SPATC1: variants seen among roughly 807,000 people sequenced by gnomAD.
SPATC1 encodes speriolin.
In SPATC1, 35 loss-of-function variants were observed where a neutral mutation model predicts 36.5. That is an observed-to-expected ratio of 0.96 (90% confidence interval 0.73 to 1.27). The LOEUF (loss-of-function observed/expected upper bound fraction) is 1.27. Among genes scored for constraint, SPATC1 ranks in the 50% most tolerant of loss-of-function variants. The probability of loss-of-function intolerance (pLI) is 0.00; values close to 1 mark genes in which losing one functional copy is unlikely to be tolerated. For missense variants in SPATC1, 779 were observed against 796.0 expected (o/e 0.98, Z 0.26); for synonymous variants, 361 against 353.6 (o/e 1.02, Z -0.24).
chr8:144,012,300 G>T lies in SPATC1; in HGVS notation c.-216G>T. The stretch of plus-strand genomic sequence containing the variant: ...TCAGGACATTCCAGGCCGAGGCAAG[G>T]CCTGTGTACAGGCCTGGTGGCATGG... On this transcript the variant is annotated 5_prime_UTR_variant, in exon 1 of 5. Transcript: ENST00000377470. 2 of 576,880 alleles carry T rather than the reference G, an allele frequency of 3.5e-6. No individual in the cohort carries two copies. Among genetic ancestry groups the T allele is most frequent in the South Asian group, 2.1e-5 (1 of 47,114 alleles). The allele number at this position is 576,880 out of a possible 1,614,324, so 35.7% of individuals were successfully genotyped here. A position where few individuals can be genotyped will look rare whatever the true frequency, so the allele number is the denominator to read the frequency against.
chr8:144,034,078 C>G (rs1298266142), intron 1 of SPATC1, among the ~76,000 whole-genome samples: 4 of 152,246 alleles, frequency 2.6e-5, no homozygotes, highest in Non-Finnish European at 5.9e-5. Flanking sequence ...TGAGTTCTTC[C>G]CCTCCCTCTT....
At chr8:144,015,830 G>A (rs1554753154) in intron 1 of SPATC1, among the ~76,000 whole-genome samples, 3 of 151,962 alleles carry the variant, frequency 2.0e-5, no homozygotes, top group Admixed American at 6.5e-5. Context: ...GGAGGCCGAG[G>A]TGGAGGATCA....
Position 144,046,546 on chromosome 8 carries a change from C to A in SPATC1, c.1447-81C>A. On this transcript the variant is annotated intron_variant, in intron 4 of 4. Transcript: ENST00000377470. The surrounding 1 kb of genome is among the most constrained non-coding windows in gnomAD (Gnocchi z 6.6). ...GGATCCTGGCCATCTCACAGCCTCA[C>A]CTGCCCCTCGGTCTTCCCCTTACCT... 7.5e-7 allele frequency: 1 copy of A among 1,337,074 alleles called. No homozygotes were observed. Among genetic ancestry groups the A allele is most frequent in the Non-Finnish European group, 1.0e-6 (1 of 967,060 alleles). 82.8% of individuals were successfully genotyped at this position (1,337,074 alleles called of 1,614,324 possible). A position where few individuals can be genotyped will look rare whatever the true frequency, so the allele number is the denominator to read the frequency against.
chr8:144,020,426 T>A (rs1834485708), intron 1 of SPATC1, among the ~76,000 whole-genome samples: 1 of 145,936 alleles, frequency 6.9e-6, no homozygotes, highest in African/African-American at 2.6e-5. Flanking sequence ...CCCTCTCCCC[T>A]CAGAACGCTC....
chr8:144,014,208 G>A (rs909854894), intron 1 of SPATC1, among the ~76,000 whole-genome samples: 1 of 151,806 alleles, frequency 6.6e-6, no homozygotes, highest in Non-Finnish European at 1.5e-5. Context: ...CCGAGGTTGC[G>A]CCATTGCACT....
At chr8:144,034,746 C>T (rs1207385835) in intron 1 of SPATC1, among the ~76,000 whole-genome samples, 1 of 152,014 alleles carries the variant, frequency 6.6e-6, no homozygotes, top group Non-Finnish European at 1.5e-5. Flanking sequence ...CCCAGGTTCC[C>T]GAGTACCTGG....
chr8:144,043,640 T>C (rs1482842984), intron 4 of SPATC1, among the ~76,000 whole-genome samples: 1 of 151,690 alleles, frequency 6.6e-6, no homozygotes, highest in Non-Finnish European at 1.5e-5. Context: ...TCTCCCAAAG[T>C]GCTGGGATTC....
At chr8:144,043,993 C>T (rs1482086792) in intron 4 of SPATC1, among the ~76,000 whole-genome samples, 3 of 152,206 alleles carry the variant, frequency 2.0e-5, no homozygotes, top group African/African-American at 7.2e-5. Flanking sequence ...GCTCACTTCT[C>T]TCATCCTTCA....
In SPATC1 at chr8:144,026,987, CTT is replaced by C. The variant is rs1169014232; in HGVS notation, c.212-12905_212-12904del. On this transcript the variant is annotated intron_variant, in intron 1 of 4. Transcript: ENST00000377470. ...ACCACGCCCTGCTAATTTTTTTTTTCTTTTTTTTTTTTTTTTTTGGATTTTTA... is the reference window on the plus strand; with the variant it reads ...ACCACGCCCTGCTAATTTTTTTTTTCTTTTTTTTTTTTTTTTGGATTTTTA... Among the ~76,000 whole-genome samples, 55 of 114,312 alleles carry C rather than the reference CTT, an allele frequency of 4.8e-4. 1 individual carries two copies. Among genetic ancestry groups the C allele is most frequent in the African/African-American group, 1.7e-3 (48 of 29,044 alleles). The allele number at this position is 114,312 out of a possible 152,430, so 75.0% of individuals were successfully genotyped here.
intron 1 of SPATC1, among the ~76,000 whole-genome samples, chr8:144,017,952 C>T (rs1218848061): frequency 6.6e-6 from 1 of 152,094 alleles, no homozygotes; most frequent in African/African-American, 2.4e-5. Flanking sequence ...GCCTGAAGCT[C>T]GGAGAAGTCA....
intron 1 of SPATC1, among the ~76,000 whole-genome samples, chr8:144,022,811 G>A (rs944090922): frequency 1.7e-4 from 21 of 123,562 alleles, no homozygotes; most frequent in South Asian, 2.6e-4. Context: ...ACCCTCCCCC[G>A]TCAGGACCCT....
Position 144,040,861 on chromosome 8 carries a change from ACCAC to A in SPATC1, c.1065_1068del (p.His356SerfsTer59). The A allele has an allele frequency of 6.8e-7, 1 of 1,475,586 alleles. No homozygotes were observed. Among genetic ancestry groups the A allele is most frequent in the Non-Finnish European group, 9.1e-7 (1 of 1,101,538 alleles). The allele number at this position is 1,475,586 out of a possible 1,614,324, so 91.4% of individuals were successfully genotyped here. On this transcript the variant is annotated frameshift_variant, in exon 3 of 5. Transcript: ENST00000377470. LOFTEE classifies it high-confidence loss of function. Reference sequence around the variant, plus strand: ...TGCCACCAGCTACACACCCTCAAGCACCACCCACATCGCCCAGGGTGCCCCCCAT... The same window carrying A: ...TGCCACCAGCTACACACCCTCAAGCACCACATCGCCCAGGGTGCCCCCCAT...
Position 144,040,437 on chromosome 8 carries a change from G to A in SPATC1, c.740G>A (p.Cys247Tyr). The stretch of plus-strand genomic sequence containing the variant: ...CCCACTGGGCCCCAGTCCCCAGCTT[G>A]CGTGGTACCCACTGCCACCACCAAA... ...GGPTGPQSPA[C>Y]VVPTATTKVP... The change falls in exon 2 of 5, where the codon TGC (cysteine) becomes TAC (tyrosine). Residue 247 changes from cysteine to tyrosine, a missense_variant. Cys to Tyr is a radical substitution (Grantham distance 194). Coordinates refer to ENST00000377470, the MANE Select transcript of SPATC1 (RefSeq NM_198572.3). The A allele has an allele frequency of 6.2e-7, 1 of 1,604,594 alleles. No individual in the cohort carries two copies. Among genetic ancestry groups the A allele is most frequent in the Non-Finnish European group, 8.5e-7 (1 of 1,175,970 alleles).
At chr8:144,015,296 C>A (rs1834362097) in intron 1 of SPATC1, among the ~76,000 whole-genome samples, 1 of 151,602 alleles carries the variant, frequency 6.6e-6, no homozygotes, top group Non-Finnish European at 1.5e-5. Flanking sequence ...GGTAATCTGT[C>A]CGCCTCAGCC....
chr8:144,030,007 A>G (rs1399367750), intron 1 of SPATC1, among the ~76,000 whole-genome samples: 2 of 152,244 alleles, frequency 1.3e-5, no homozygotes, highest in East Asian at 1.9e-4. Context: ...AATCATTGTT[A>G]CATTTTATTG....
At position 144,045,736 on chromosome 8, in the gene SPATC1, G is replaced by C. The variant is rs1835242690; in HGVS notation, c.1447-891G>C. Among the ~76,000 whole-genome samples, 3 of 152,236 alleles carry C rather than the reference G, an allele frequency of 2.0e-5. No individual in the cohort carries two copies. The highest frequency in any genetic ancestry group is 7.2e-5 in the African/African-American group (3 of 41,462). ...GCAGGGGCAGCTGCACCTGTGACAG[G>C]CTGCAAGACTGGCAGGGCCCAGTGC... On this transcript the variant is annotated intron_variant, in intron 4 of 4. Transcript: ENST00000377470. This position sits in a 1 kb window ranked among gnomAD's most constrained non-coding sequence, Gnocchi z 5.2.
At chr8:144,028,764 T>C (rs1220882686) in intron 1 of SPATC1, among the ~76,000 whole-genome samples, 2 of 152,210 alleles carry the variant, frequency 1.3e-5, no homozygotes, top group East Asian at 1.9e-4. Context: ...TGTATATTCA[T>C]TGCAGCACTA....
intron 1 of SPATC1, among the ~76,000 whole-genome samples, chr8:144,025,049 CTAGGACCATCTCCCCT>C (rs1834648776): frequency 6.7e-6 from 1 of 148,176 alleles, no homozygotes; most frequent in East Asian, 2.0e-4. Flanking sequence ...CCCTCTCCCC[CTAGGACCATCTCCCCT>C]CAGGACCTAC....
At position 144,029,201 on chromosome 8, in the gene SPATC1, C is replaced by CA. The variant is rs1587505442; in HGVS notation, c.212-10708_212-10707insA. 1.3e-4 allele frequency among the ~76,000 whole-genome samples: 3 copies of CA among 23,418 alleles called. No individual in the cohort carries two copies. In the East Asian group the frequency reaches 3.4e-3, roughly 26 times the overall value. The allele number at this position is 23,418 out of a possible 152,430, so 15.4% of individuals were successfully genotyped here. On this transcript the variant is annotated intron_variant, in intron 1 of 4. Coordinates refer to ENST00000377470, the MANE Select transcript of SPATC1 (RefSeq NM_198572.3). ...CACATCCTACACATGTACCCCAGAA[C>CA]TAAAAAAAAAAAAAAAAAAAAAAAA...
Sources: allele counts gnomAD v4.1 joint callset (sites outside exome capture counted in the v4.1 genomes callset), GRCh38; gene constraint gnomAD v4.1.1; non-coding constraint Gnocchi (gnomAD v3.1); transcripts MANE v1.5; gene names NCBI Gene and HGNC (gene_info 2026-07-23, HGNC 2026-07-21).